The following HCN1 variants were observed in gnomAD, a reference collection of about 807,000 sequenced individuals.
HCN1 encodes potassium/sodium hyperpolarization-activated cyclic nucleotide-gated channel 1.
Under a neutral mutation model 78.9 loss-of-function variants are expected in HCN1, and 13 were observed. The ratio of observed to expected loss-of-function variants is 0.16; its 90% CI spans 0.11 to 0.26. The LOEUF (loss-of-function observed/expected upper bound fraction) is 0.26. Ranked by LOEUF, HCN1 falls within the 10% of genes least tolerant of loss-of-function variation. The probability of loss-of-function intolerance (pLI) is 1.00; values close to 1 mark genes in which losing one functional copy is unlikely to be tolerated. For missense variants in HCN1, 810 were observed against 1,154.3 expected, an observed-to-expected ratio of 0.70 and a Z score of 4.32; for synonymous variants, 552 against 455.5, an observed-to-expected ratio of 1.21 and a Z score of -2.70.
At chr5:45,669,885 C>A (rs1048189097) in intron 1 of HCN1, among the ~76,000 whole-genome samples, 1 of 151,640 alleles carries the variant, frequency 6.6e-6, no homozygotes, top group Non-Finnish European at 1.5e-5. Context: ...TCATAGAAAA[C>A]ATTTTAGAAT....
rs914999625 is a variant in HCN1 at position 45,486,935 on chromosome 5, A to G, written c.850-24928T>C. Among the ~76,000 whole-genome samples the G allele has an allele frequency of 1.3e-5, 2 of 152,160 alleles. 1 individual carries two copies. The highest frequency in any genetic ancestry group is 4.8e-5 in the African/African-American group (2 of 41,474). ...ATGTTAGGTGGTAAATTAGATGTTCACAATTATCACAGTTGTCCTAAATAC... is the reference window on the plus strand; with the variant it reads ...ATGTTAGGTGGTAAATTAGATGTTCGCAATTATCACAGTTGTCCTAAATAC... On this transcript the variant is annotated intron_variant, in intron 2 of 7. Coordinates refer to ENST00000303230, the MANE Select transcript of HCN1 (RefSeq NM_021072.4).
intron 4 of HCN1, among the ~76,000 whole-genome samples, chr5:45,388,413 T>C (rs1452302817): frequency 2.0e-5 from 3 of 152,204 alleles, no homozygotes; most frequent in African/African-American, 7.2e-5. Context: ...CCTCTTGTCA[T>C]GAGCTGGAAG....
intron 1 of HCN1, among the ~76,000 whole-genome samples, chr5:45,660,921 C>A (rs1317788288): frequency 7.3e-5 from 6 of 81,910 alleles, no homozygotes; most frequent in African/African-American, 3.0e-4. Context: ...CAAGGATACC[C>A]AGGAATTGAA....
intron 6 of HCN1, among the ~76,000 whole-genome samples, chr5:45,289,059 T>A (rs1198192878): frequency 6.6e-6 from 1 of 152,004 alleles, no homozygotes; most frequent in Non-Finnish European, 1.5e-5. Context: ...TAAGCTGTGT[T>A]TTTGGGGGGC....
chr5:45,469,828 G>C (rs1227087410), intron 2 of HCN1, among the ~76,000 whole-genome samples: 1 of 151,462 alleles, frequency 6.6e-6, no homozygotes, highest in East Asian at 1.9e-4. Context: ...TGTAGAGAAA[G>C]ATGGTGAAAA....
At chr5:45,405,906 A>G (rs1169066178) in intron 3 of HCN1, among the ~76,000 whole-genome samples, 7 of 152,294 alleles carry the variant, frequency 4.6e-5, no homozygotes, top group African/African-American at 1.4e-4. Context: ...TGGTCAATTA[A>G]TCACTCAAGT....
chr5:45,354,391 G>A lies in HCN1; in HGVS notation c.1231-1145C>T, dbSNP rs368207211. ...ATTTTAATAGTTGGTAACACAACTG[G>A]ATAAAGATGTCAAAATAATATTTTT... On this transcript the variant is annotated intron_variant, in intron 4 of 7. Coordinates refer to ENST00000303230, the MANE Select transcript of HCN1 (RefSeq NM_021072.4). 3.1e-4 allele frequency among the ~76,000 whole-genome samples: 47 copies of A among 152,044 alleles called. No homozygotes were observed. In the South Asian group the frequency reaches 9.3e-3, roughly 30 times the overall value.
chr5:45,262,534 G>C lies in HCN1; in HGVS notation c.2060C>G (p.Thr687Ser), dbSNP rs748584173. 1 of 1,613,792 alleles carries C rather than the reference G, an allele frequency of 6.2e-7. No homozygotes were observed. The highest frequency in any genetic ancestry group is 8.5e-7 in the Non-Finnish European group (1 of 1,179,980). Residue 687 changes from threonine to serine, a missense_variant, in exon 8 of 8, where the codon ACC becomes AGC. By Grantham distance (58) the Thr-to-Ser change is moderately conservative. Around this residue, in one of 6 missense-constraint regions of HCN1, gnomAD observed 398 missense variants for 381.3 expected, o/e 1.04. Transcript: ENST00000303230. ...NLHSPSPSTQTPQPSAILSPC... is the reference protein window; with the variant it reads ...NLHSPSPSTQSPQPSAILSPC... ...TGACAGGATGGCTGATGGCTGGGGG[G>C]TCTGTGTGCTGGGACTGGGGGAGTG...
At chr5:45,659,284 T>A (rs1189648945) in intron 1 of HCN1, among the ~76,000 whole-genome samples, 1 of 128,308 alleles carries the variant, frequency 7.8e-6, no homozygotes, top group Non-Finnish European at 1.6e-5. Flanking sequence ...AAAGGACATC[T>A]ACACCGAAAA....
At chr5:45,373,013 A>G (rs1747455961) in intron 4 of HCN1, among the ~76,000 whole-genome samples, 1 of 138,288 alleles carries the variant, frequency 7.2e-6, no homozygotes, top group African/African-American at 2.6e-5. Context: ...ATTATATAAA[A>G]TATATATATT....
intron 1 of HCN1, among the ~76,000 whole-genome samples, chr5:45,679,259 C>G (rs1033858362): frequency 6.6e-6 from 1 of 151,984 alleles, no homozygotes; most frequent in Non-Finnish European, 1.5e-5. Flanking sequence ...AGGAAACAAA[C>G]AGTACCTGTC....
chr5:45,410,916 T>G (rs551298208), intron 3 of HCN1, among the ~76,000 whole-genome samples: 2 of 152,224 alleles, frequency 1.3e-5, no homozygotes, highest in South Asian at 4.1e-4. Context: ...ACATAAGCTG[T>G]ATACAAGTGT....
In HCN1 at chr5:45,257,023, T is replaced by G. The variant is rs1744628993; in HGVS notation, c.*4898A>C. ...ACTTTCAGTTTCCTATTCCCATTAC[T>G]CTATTTAGCAAACCTAGGACCTTCC... On this transcript the variant is annotated 3_prime_UTR_variant, in exon 8 of 8. Transcript: ENST00000303230. The G allele has an allele frequency of 6.6e-6, 1 of 152,234 alleles. No individual in the cohort carries two copies. Among genetic ancestry groups the G allele is most frequent in the Admixed American group, 6.5e-5 (1 of 15,282 alleles). The allele number at this position is 152,234 out of a possible 1,614,324, so 9.4% of individuals were successfully genotyped here.
At chr5:45,394,983 T>C (rs1010548052) in intron 4 of HCN1, among the ~76,000 whole-genome samples, 2 of 152,170 alleles carry the variant, frequency 1.3e-5, no homozygotes, top group East Asian at 3.8e-4. Context: ...CATACAAATA[T>C]CTATGATTCC....
intron 3 of HCN1, among the ~76,000 whole-genome samples, chr5:45,461,281 T>G (rs996384411): frequency 6.6e-6 from 1 of 152,084 alleles, no homozygotes; most frequent in Non-Finnish European, 1.5e-5. Context: ...AATTTATACT[T>G]TATAGTTTTT....
intron 2 of HCN1, chr5:45,643,527 T>C (rs1040907251): frequency 1.3e-5 from 2 of 152,142 alleles, no homozygotes; most frequent in African/African-American, 4.8e-5. Context: ...TATTAAGATA[T>C]TTATAACTAA....
chr5:45,522,187 A>C (rs1038683891), intron 2 of HCN1, among the ~76,000 whole-genome samples: 5 of 151,902 alleles, frequency 3.3e-5, no homozygotes, highest in African/African-American at 1.2e-4. Flanking sequence ...TTATTCCCCT[A>C]AGTTGTTAAA....
At chr5:45,583,807 T>C (rs1026879712) in intron 2 of HCN1, among the ~76,000 whole-genome samples, 11 of 152,166 alleles carry the variant, frequency 7.2e-5, no homozygotes, top group Non-Finnish European at 1.0e-4. Context: ...CAGGAACAGG[T>C]TGTTCAGTTT....
chr5:45,453,849 G>C (rs1472236210), intron 3 of HCN1, among the ~76,000 whole-genome samples: 1 of 152,136 alleles, frequency 6.6e-6, no homozygotes, highest in East Asian at 1.9e-4. Flanking sequence ...ATATAACGGA[G>C]AACTAAGTCT....
Sources: allele counts gnomAD v4.1 joint callset (sites outside exome capture counted in the v4.1 genomes callset), GRCh38; gene constraint gnomAD v4.1.1; regional missense constraint gnomAD v4.1.1; transcripts MANE v1.5; gene names NCBI Gene and HGNC (gene_info 2026-07-23, HGNC 2026-07-21).